CDYL: variants seen among roughly 807,000 people sequenced by gnomAD.
The protein encoded by CDYL is chromodomain Y like.
Under a neutral mutation model 47.3 loss-of-function variants are expected in CDYL, and 8 were observed. The observed-to-expected ratio is 0.17, with a 90% CI of 0.10 to 0.31. CDYL has a LOEUF of 0.31. CDYL is among the 10% of genes least tolerant of loss of function. The pLI, the probability that CDYL is intolerant of heterozygous loss-of-function variation, is 1.00. For synonymous variants in CDYL, 266 were observed against 265.0 expected, an observed-to-expected ratio of 1.00 and a Z score of -0.04; for missense variants, 471 against 701.4, an observed-to-expected ratio of 0.67 and a Z score of 3.71.
intron 2 of CDYL, among the ~76,000 whole-genome samples, chr6:4,924,753 C>G (rs1453483839): frequency 6.6e-6 from 1 of 152,138 alleles, no homozygotes; most frequent in Non-Finnish European, 1.5e-5. Flanking sequence ...ACAGTGAGTT[C>G]TGCTATAATG....
chr6:4,856,031 G>A (rs1760996407), intron 1 of CDYL, among the ~76,000 whole-genome samples: 1 of 152,226 alleles, frequency 6.6e-6, no homozygotes, highest in East Asian at 1.9e-4. Flanking sequence ...CACATTAAAA[G>A]TGTTATGATC....
intron 1 of CDYL, among the ~76,000 whole-genome samples, chr6:4,791,313 A>G (rs1758910155): frequency 6.6e-6 from 1 of 152,214 alleles, no homozygotes; most frequent in Non-Finnish European, 1.5e-5. Flanking sequence ...TGAAATTTTT[A>G]ACGAAGACCT....
At chr6:4,833,642 C>G (rs919286392) in intron 1 of CDYL, among the ~76,000 whole-genome samples, 14 of 150,100 alleles carry the variant, frequency 9.3e-5, no homozygotes, top group Non-Finnish European at 1.9e-4. Context: ...GACTTTCTGT[C>G]TTGTTGATCT....
intron 2 of CDYL, among the ~76,000 whole-genome samples, chr6:4,900,779 G>GTGTGTGTGTGTGTGTATA: frequency 7.7e-5 from 4 of 51,712 alleles, no homozygotes; most frequent in Admixed American, 2.0e-4. Flanking sequence ...GTATACGTGT[G>GTGTGTGTGTGTGTGTATA]TATATATATA....
chr6:4,926,141 A>G (rs1757867274), intron 2 of CDYL, among the ~76,000 whole-genome samples: 1 of 152,330 alleles, frequency 6.6e-6, no homozygotes, highest in Admixed American at 6.5e-5. Flanking sequence ...CACTTTTACA[A>G]TTATTTGTAA....
At chr6:4,729,318 C>T (rs1409126868) in intron 2 of CDYL, among the ~76,000 whole-genome samples, 1 of 152,076 alleles carries the variant, frequency 6.6e-6, no homozygotes, top group Non-Finnish European at 1.5e-5. Flanking sequence ...AGCCTTTTTC[C>T]GATCTATTTT....
intron 2 of CDYL, among the ~76,000 whole-genome samples, chr6:4,717,306 C>T (rs554746666): frequency 6.6e-6 from 1 of 152,292 alleles, no homozygotes; most frequent in South Asian, 2.1e-4. Flanking sequence ...GCTTCCAGAG[C>T]CTGGTGCAGC....
Position 4,788,053 on chromosome 6 carries a change from T to C in CDYL, c.24+11246T>C, listed in dbSNP as rs376714919. Among the ~76,000 whole-genome samples the C allele has an allele frequency of 7.9e-4, 120 of 152,106 alleles. 2 individuals carry two copies. In the East Asian group the frequency reaches 0.018, roughly 23 times the overall value. ...TTGCAAAGTGCTGGGATTATAGGTG[T>C]GAGCCACCGCACCTGGTCGAAATTC... On this transcript the variant is annotated intron_variant, in intron 1 of 6. Coordinates refer to ENST00000397588, the MANE Select transcript of CDYL (RefSeq NM_004824.4).
chr6:4,816,486 TTTTCTTTC>T (rs1202569016), intron 1 of CDYL, among the ~76,000 whole-genome samples: 1 of 149,464 alleles, frequency 6.7e-6, no homozygotes, highest in Non-Finnish European at 1.5e-5. Context: ...TTTGATTTAT[TTTTCTTTC>T]TTTCTTTTTT....
chr6:4,784,657 G>T (rs776911535), intron 1 of CDYL, among the ~76,000 whole-genome samples: 1 of 152,150 alleles, frequency 6.6e-6, no homozygotes, highest in African/African-American at 2.4e-5. Context: ...TTGGTCTTAC[G>T]ATGGTGGTCC....
At chr6:4,765,355 A>C (rs745997999) in intron 3 of CDYL, among the ~76,000 whole-genome samples, 38 of 152,202 alleles carry the variant, frequency 2.5e-4, no homozygotes, top group South Asian at 1.4e-3. Context: ...ATAACTAGAA[A>C]ATCCTTATTT....
intron 3 of CDYL, among the ~76,000 whole-genome samples, chr6:4,767,627 TAGG>T (rs1581153493): frequency 6.6e-6 from 1 of 152,104 alleles, no homozygotes; most frequent in East Asian, 1.9e-4. Flanking sequence ...AGAGGGAAAC[TAGG>T]ATGGAAAGGA....
chr6:4,812,373 G>C (rs1220566938), intron 1 of CDYL, among the ~76,000 whole-genome samples: 2 of 152,096 alleles, frequency 1.3e-5, no homozygotes, highest in East Asian at 1.9e-4. Context: ...TGGGATGTCC[G>C]GTGTAGCGGT....
intron 6 of CDYL, among the ~76,000 whole-genome samples, chr6:4,953,690 C>T (rs970657937): frequency 3.3e-5 from 5 of 152,122 alleles, no homozygotes; most frequent in African/African-American, 7.2e-5. Flanking sequence ...TGAAATAAGC[C>T]GTTTTGAAGT....
chr6:4,899,829 G>A (rs1165214370), intron 2 of CDYL, among the ~76,000 whole-genome samples: 4 of 152,188 alleles, frequency 2.6e-5, no homozygotes, highest in Non-Finnish European at 5.9e-5. Context: ...CATATCCCGA[G>A]GGGAAGAGTC....
At chr6:4,848,263 A>G (rs1214888728) in intron 1 of CDYL, among the ~76,000 whole-genome samples, 2 of 152,190 alleles carry the variant, frequency 1.3e-5, no homozygotes, top group African/African-American at 2.4e-5. Flanking sequence ...TATTTGCTGA[A>G]TGAGTGAACT....
chr6:4,865,358 G>A (rs951760945), intron 1 of CDYL, among the ~76,000 whole-genome samples: 1 of 152,198 alleles, frequency 6.6e-6, no homozygotes, highest in African/African-American at 2.4e-5. Context: ...TCCAACCCTA[G>A]CCAATAGGGG....
chr6:4,824,874 A>T (rs373879530), intron 1 of CDYL, among the ~76,000 whole-genome samples: 1 of 148,722 alleles, frequency 6.7e-6, no homozygotes, highest in Admixed American at 6.7e-5. Flanking sequence ...AGGCTGTTGG[A>T]TTTTTTTTTT....
intron 2 of CDYL, among the ~76,000 whole-genome samples, chr6:4,913,491 T>C (rs1270934581): frequency 6.6e-6 from 1 of 152,180 alleles, no homozygotes; most frequent in Non-Finnish European, 1.5e-5. Context: ...AAAGTGATTA[T>C]AGGATTGGGG....
Sources: allele counts gnomAD v4.1 joint callset (sites outside exome capture counted in the v4.1 genomes callset), GRCh38; gene constraint gnomAD v4.1.1; transcripts MANE v1.5; gene names NCBI Gene and HGNC (gene_info 2026-07-23, HGNC 2026-07-21).